The following TTC34 variants were observed in gnomAD, a reference collection of about 807,000 sequenced individuals.
TTC34 encodes the protein tetratricopeptide repeat domain 34, also known as tetratricopeptide repeat protein 34.
A neutral mutation model predicts 40.7 loss-of-function variants in TTC34; 44 were observed. The ratio of observed to expected loss-of-function variants is 1.08; its 90% confidence interval spans 0.85 to 1.39. TTC34 has a LOEUF of 1.39. Ranked by LOEUF, TTC34 falls within the 40% of genes most tolerant of loss-of-function variation. TTC34 has a pLI of 0.00. For missense variants in TTC34, 884 were observed against 838.0 expected (o/e 1.05, Z -0.68); for synonymous variants, 422 against 398.6 (o/e 1.06, Z -0.70).
At chr1:2,801,242 A>C (rs1177875188) in intron 1 of TTC34, among the ~76,000 whole-genome samples, 2 of 150,874 alleles carry the variant, frequency 1.3e-5, no homozygotes, top group African/African-American at 4.9e-5. Flanking sequence ...TGCCCCTCCC[A>C]ACCCTGAGCC....
intron 6 of TTC34, among the ~76,000 whole-genome samples, chr1:2,681,809 G>A (rs1190406679): frequency 8.5e-6 from 1 of 117,870 alleles, no homozygotes; most frequent in African/African-American, 2.9e-5. Flanking sequence ...CTGATGGTTT[G>A]CGGCAACACC....
chr1:2,656,052 C>A (rs1409048136), intron 6 of TTC34, among the ~76,000 whole-genome samples: 1,090 of 147,066 alleles, frequency 7.4e-3, no homozygotes, highest in African/African-American at 0.029. Context: ...GCAGCACCCA[C>A]ACCCCCAGGT....
intron 2 of TTC34, among the ~76,000 whole-genome samples, chr1:2,794,787 T>G (rs1324744878): frequency 1.3e-5 from 2 of 152,226 alleles, no homozygotes; most frequent in Non-Finnish European, 1.5e-5. Flanking sequence ...GTTTCTTGAT[T>G]GTTAAAATTC....
chr1:2,653,821 C>T (rs1482593325), intron 6 of TTC34, among the ~76,000 whole-genome samples: 9 of 151,684 alleles, frequency 5.9e-5, no homozygotes, highest in African/African-American at 2.2e-4. Flanking sequence ...CCCAGGTGAG[C>T]ATCTGACAGC....
chr1:2,783,661 A>C lies in TTC34; in HGVS notation c.2174T>G (p.Val725Gly), dbSNP rs1258595184. 1.6e-5 allele frequency: 25 copies of C among 1,532,548 alleles called. No individual in the cohort carries two copies. Among genetic ancestry groups the C allele is most frequent in the Non-Finnish European group, 2.2e-5 (25 of 1,136,114 alleles). 94.9% of individuals were successfully genotyped at this position (1,532,548 alleles called of 1,614,324 possible). A position where few individuals can be genotyped will look rare whatever the true frequency, so the allele number is the denominator to read the frequency against. The change falls in exon 6 of 9, where the codon GTG (valine) becomes GGG (glycine). Residue 725 changes from valine (V) to glycine (G), a missense_variant. Physicochemically the swap from Val to Gly is moderately radical, Grantham distance 109 (BLOSUM62 -3). Coordinates refer to ENST00000401095, the Ensembl canonical transcript of TTC34. The stretch of plus-strand genomic sequence containing the variant: ...CAACGCCCGTCCACACAGTGCCTGC[A>C]CGTTCCCCGGCTCAGCCCGCAGCAC...
intron 6 of TTC34, among the ~76,000 whole-genome samples, chr1:2,687,290 G>A (rs1161651689): frequency 3.8e-5 from 5 of 130,720 alleles, no homozygotes; most frequent in Admixed American, 7.8e-5. Context: ...CACAACCACA[G>A]GTGAGCATCT....
intron 6 of TTC34, among the ~76,000 whole-genome samples, chr1:2,693,907 G>C (rs1357597831): frequency 2.2e-3 from 62 of 27,988 alleles, no homozygotes; most frequent in East Asian, 4.7e-3. Context: ...GCACCCACAT[G>C]CCCAGCTGAG....
At position 2,749,322 on chromosome 1, in the gene TTC34, C is replaced by T. The variant is rs1324260229; in HGVS notation, c.2226+34287G>A. 6.0e-5 allele frequency among the ~76,000 whole-genome samples: 3 copies of T among 50,268 alleles called. 1 individual carries two copies. Among genetic ancestry groups the T allele is most frequent in the African/African-American group, 3.4e-4 (2 of 5,942 alleles). The allele number at this position is 50,268 out of a possible 152,430, so 33.0% of individuals were successfully genotyped here. Reference sequence around the variant, plus strand: ...CGGAGAGTCTGGAACAGAACCCACACCCACAGGTGAGCATCTGACAGACTG... The same window carrying T: ...CGGAGAGTCTGGAACAGAACCCACATCCACAGGTGAGCATCTGACAGACTG... On this transcript the variant is annotated intron_variant, in intron 6 of 8. Coordinates refer to ENST00000401095, the Ensembl canonical transcript of TTC34.
chr1:2,641,191 AG>A, exon 9 of TTC34: 2 of 349,974 alleles, frequency 5.7e-6, no homozygotes, highest in South Asian at 4.3e-5. Flanking sequence ...AGGGTTGGGA[AG>A]GGGGGTTGTG....
chr1:2,698,616 G>T (rs910900850), intron 6 of TTC34, among the ~76,000 whole-genome samples: 1 of 48,206 alleles, frequency 2.1e-5, no homozygotes. Flanking sequence ...ACTCCCAGAC[G>T]AGCATCGGAC....
intron 6 of TTC34, among the ~76,000 whole-genome samples, chr1:2,698,808 C>T (rs1450162703): frequency 6.7e-6 from 1 of 149,676 alleles, no homozygotes; most frequent in Non-Finnish European, 1.5e-5. Context: ...GCACCCCACA[C>T]CCACAGGTGA....
intron 6 of TTC34, among the ~76,000 whole-genome samples, chr1:2,752,545 T>A (rs1641358188): frequency 8.6e-6 from 1 of 116,690 alleles, no homozygotes; most frequent in Admixed American, 9.5e-5. Context: ...CAGGTGAGCA[T>A]CTGACAGCCT....
Position 2,760,393 on chromosome 1 carries a change from A to G in TTC34, c.2226+23216T>C, listed in dbSNP as rs1641657309. Among the ~76,000 whole-genome samples, 5 of 38,762 alleles carry G rather than the reference A, an allele frequency of 1.3e-4. 2 individuals are homozygous for G. In the South Asian group the frequency reaches 7.6e-3, roughly 59 times the overall value. The allele number at this position is 38,762 out of a possible 152,430, so 25.4% of individuals were successfully genotyped here. On this transcript the variant is annotated intron_variant, in intron 6 of 8. Transcript: ENST00000401095. The stretch of plus-strand genomic sequence containing the variant: ...AGGTGAGTATCTGACAGCCTGGAAC[A>G]TCACCCCGCACCCACAGGCGAGCAT...
At chr1:2,775,348 C>A (rs1214590408) in intron 6 of TTC34, 5 of 150,370 alleles carry the variant, frequency 3.3e-5, no homozygotes, top group Non-Finnish European at 5.9e-5. Context: ...CAGAACCCCG[C>A]TCTTCCAGGT....
chr1:2,643,550 T>G (rs1341148455), intron 8 of TTC34, among the ~76,000 whole-genome samples: 1 of 151,936 alleles, frequency 6.6e-6, no homozygotes, highest in African/African-American at 2.4e-5. Flanking sequence ...CCTCCTGGCT[T>G]GGAAACGCCC....
At chr1:2,642,782 C>A (rs1638934159) in intron 8 of TTC34, among the ~76,000 whole-genome samples, 1 of 152,214 alleles carries the variant, frequency 6.6e-6, no homozygotes, top group African/African-American at 2.4e-5. Context: ...CCCCGCCAGG[C>A]TTGGCCGCAC....
At chr1:2,655,922 G>T (rs1273975923) in intron 6 of TTC34, among the ~76,000 whole-genome samples, 2 of 151,658 alleles carry the variant, frequency 1.3e-5, no homozygotes, top group Non-Finnish European at 1.5e-5. Context: ...ACAGCGTGGA[G>T]CAGCACCCAC....
chr1:2,768,354 G>A (rs889268660), intron 6 of TTC34, among the ~76,000 whole-genome samples: 1 of 152,012 alleles, frequency 6.6e-6, no homozygotes, highest in East Asian at 1.9e-4. Flanking sequence ...CTCACCTGGG[G>A]ACGCGTGGAA....
At chr1:2,683,939 G>T (rs1335436806) in intron 6 of TTC34, among the ~76,000 whole-genome samples, 3 of 145,898 alleles carry the variant, frequency 2.1e-5, no homozygotes, top group Non-Finnish European at 4.5e-5. Context: ...TGATGGTCTG[G>T]AGCAGTACCC....
Sources: allele counts gnomAD v4.1 joint callset (sites outside exome capture counted in the v4.1 genomes callset), GRCh38; gene constraint gnomAD v4.1.1; transcripts MANE v1.5; gene names NCBI Gene and HGNC (gene_info 2026-07-23, HGNC 2026-07-21).